Variants in CACNG8 observed in about 807,000 individuals in gnomAD.
The protein encoded by CACNG8 is voltage-dependent calcium channel gamma-8 subunit.
Under a neutral mutation model 26.9 loss-of-function variants are expected in CACNG8, and 5 were observed. That is an observed-to-expected ratio of 0.19 (90% CI 0.10 to 0.39). The LOEUF is 0.39. Among genes scored for constraint, CACNG8 ranks in the 10% least tolerant of loss-of-function variants. The probability of loss-of-function intolerance (pLI) is 1.00; values close to 1 mark genes in which losing one functional copy is unlikely to be tolerated. For synonymous variants in CACNG8, 321 were observed against 296.7 expected (o/e 1.08, Z -0.84); for missense variants, 473 against 609.4 (o/e 0.78, Z 2.36).
chr19:53,969,684 C>T (rs554810060), intron 1 of CACNG8, among the ~76,000 whole-genome samples: 39 of 150,630 alleles, frequency 2.6e-4, no homozygotes, highest in African/African-American at 9.3e-4. Context: ...TCATTGCGTC[C>T]TGCAGCCACT....
At chr19:53,980,863 G>C (rs2069362483) in intron 3 of CACNG8, among the ~76,000 whole-genome samples, 1 of 152,218 alleles carries the variant, frequency 6.6e-6, no homozygotes, top group African/African-American at 2.4e-5. Flanking sequence ...CTTTTTTGGA[G>C]GAGTAGAATA....
chr19:53,977,303 G>C (rs2069335415), intron 1 of CACNG8, among the ~76,000 whole-genome samples: 2 of 152,242 alleles, frequency 1.3e-5, no homozygotes, highest in Non-Finnish European at 2.9e-5. Context: ...AGCATGGGCA[G>C]AGGTCTGCAG....
At chr19:53,973,379 CA>C (rs1270808735) in intron 1 of CACNG8, among the ~76,000 whole-genome samples, 2 of 151,764 alleles carry the variant, frequency 1.3e-5, no homozygotes, top group Non-Finnish European at 2.9e-5. Context: ...AAAAATTAGC[CA>C]GGGGTGGTGG....
Position 53,982,133 on chromosome 19 carries a change from C to G in CACNG8, c.562C>G (p.Pro188Ala). The change falls in exon 4 of 4, where the codon CCG becomes GCG. Residue 188 changes from proline (P) to alanine (A), a missense_variant. Physicochemically the swap from Pro to Ala is conservative, Grantham distance 27 (BLOSUM62 -1). Transcript: ENST00000270458. This position sits in a 1 kb window ranked among gnomAD's most constrained non-coding sequence, Gnocchi z 8.4. ...GTACATCTCCGCCAACGCGGGCGAGCCGGGCCCGAAGCGGGACGAGGAGAA... is the reference window on the plus strand; with the variant it reads ...GTACATCTCCGCCAACGCGGGCGAGGCGGGCCCGAAGCGGGACGAGGAGAA... 6.2e-7 allele frequency: 1 copy of G among 1,610,254 alleles called. No individual in the cohort carries two copies. The highest frequency in any genetic ancestry group is 8.5e-7 in the Non-Finnish European group (1 of 1,178,292).
intron 2 of CACNG8, 115 bp downstream of exon 2, chr19:53,978,344 G>C (rs967508435): frequency 9.9e-5 from 73 of 737,322 alleles, no homozygotes; most frequent in Admixed American, 5.5e-4. Context: ...TCGACACGCC[G>C]AGGTTAGCCT....
chr19:53,980,065 TG>T, intron 3 of CACNG8, 58 bp downstream of exon 3: 1 of 1,254,938 alleles, frequency 8.0e-7, no homozygotes. Context: ...CACGTGTGTG[TG>T]TGTGTGTGTG....
intron 1 of CACNG8, among the ~76,000 whole-genome samples, chr19:53,968,694 G>A (rs2145933739): frequency 6.7e-6 from 1 of 149,600 alleles, no homozygotes; most frequent in East Asian, 2.1e-4. Context: ...CTTTAACCCT[G>A]GAGGTGGAGG....
At chr19:53,970,923 C>A (rs1436618507) in intron 1 of CACNG8, among the ~76,000 whole-genome samples, 4 of 138,230 alleles carry the variant, frequency 2.9e-5, no homozygotes, top group Non-Finnish European at 6.2e-5. Flanking sequence ...TAGAGCAAGA[C>A]CCTATCTCAA....
chr19:53,965,893 A>G (rs1384213976), intron 1 of CACNG8, among the ~76,000 whole-genome samples: 1 of 151,964 alleles, frequency 6.6e-6, no homozygotes, highest in African/African-American at 2.4e-5. Context: ...TAAGAGATGG[A>G]GGAAAGTGCT....
chr19:53,963,521 T>G, intron 1 of CACNG8, 96 bp downstream of exon 1: 1 of 1,246,722 alleles, frequency 8.0e-7, no homozygotes, highest in Non-Finnish European at 1.1e-6. Flanking sequence ...TGGGGCCCCC[T>G]TGGGCACCCC....
In CACNG8 at chr19:53,963,347, G is replaced by C; in HGVS notation, c.205G>C (p.Gly69Arg). The change falls in exon 1 of 4, where the codon GGG (glycine) becomes CGG (arginine). Residue 69 changes from glycine (G) to arginine (R), a missense_variant. This residue lies in a region of CACNG8 where 69 missense variants were observed against 66.7 expected (regional missense o/e 1.03). Transcript: ENST00000270458. ...CGGCGACGACGGGACCCCCCACCGC[G>C]GGGGCGGCGGCGCCTCGGAGAAGAA... The C allele has an allele frequency of 1.3e-6, 2 of 1,593,918 alleles. No homozygotes were observed. Among genetic ancestry groups the C allele is most frequent in the South Asian group, 1.1e-5 (1 of 90,224 alleles).
intron 1 of CACNG8, among the ~76,000 whole-genome samples, chr19:53,976,651 C>A (rs1169804441): frequency 6.6e-6 from 1 of 151,932 alleles, no homozygotes; most frequent in Non-Finnish European, 1.5e-5. Flanking sequence ...ATTCTTCATT[C>A]AACCCTCATT....
At chr19:53,963,823 A>C (rs1307704878) in intron 1 of CACNG8, among the ~76,000 whole-genome samples, 2 of 65,488 alleles carry the variant, frequency 3.1e-5, no homozygotes, top group Admixed American at 1.9e-4. Flanking sequence ...TTTTTTTTTG[A>C]CAAGGTCTCA....
chr19:53,977,182 C>T (rs1358274402), intron 1 of CACNG8, among the ~76,000 whole-genome samples: 1 of 152,030 alleles, frequency 6.6e-6, no homozygotes, highest in South Asian at 2.1e-4. Flanking sequence ...AATGAGTGTG[C>T]ATGTGTGTCT....
At chr19:53,966,515 C>T (rs572140170) in intron 1 of CACNG8, among the ~76,000 whole-genome samples, 1 of 152,210 alleles carries the variant, frequency 6.6e-6, no homozygotes, top group African/African-American at 2.4e-5. Flanking sequence ...TGAACCCAAG[C>T]CGTCCTCTTG....
Position 53,982,537 on chromosome 19 carries a change from G to A in CACNG8, c.966G>A (p.Leu322=), listed in dbSNP as rs1003248863. Residue 322 remains leucine, a synonymous_variant, in exon 4 of 4, where the codon CTG becomes CTA. Transcript: ENST00000270458. The surrounding 1 kb of genome is among the most constrained non-coding windows in gnomAD (Gnocchi z 8.4). ...CCAAGGGCAGCGTGGCCGCGGGGCT[G>A]GCGGGGGCCGGCGGCGGCGGCGGCG... 3.2e-6 allele frequency: 4 copies of A among 1,235,314 alleles called. No homozygotes were observed. Among genetic ancestry groups the A allele is most frequent in the Non-Finnish European group, 4.0e-6 (4 of 991,914 alleles). 76.5% of individuals were successfully genotyped at this position (1,235,314 alleles called of 1,614,324 possible).
Position 53,989,057 on chromosome 19 carries a change from T to G in CACNG8, c.*6208T>G, listed in dbSNP as rs1384073815. 1.3e-5 allele frequency: 2 copies of G among 152,218 alleles called. No homozygotes were observed. The highest frequency in any genetic ancestry group is 2.9e-5 in the Non-Finnish European group (2 of 68,060). 9.4% of individuals were successfully genotyped at this position (152,218 alleles called of 1,614,324 possible). A position where few individuals can be genotyped will look rare whatever the true frequency, so the allele number is the denominator to read the frequency against. On this transcript the variant is annotated 3_prime_UTR_variant, in exon 4 of 4. Transcript: ENST00000270458. ...CCAAGACAGGAGGATTGCTTGAGGC[T>G]TGGCGTTTGAGACCAGCCTGGGCAA...
At chr19:53,970,865 G>A (rs913652077) in intron 1 of CACNG8, among the ~76,000 whole-genome samples, 9 of 150,086 alleles carry the variant, frequency 6.0e-5, no homozygotes, top group Non-Finnish European at 1.2e-4. Context: ...CCAGAAGGTC[G>A]AGGCTGCAGT....
rs1206594142 is a variant in CACNG8, at chr19:53,989,015, C to T, written c.*6166C>T. 1.3e-5 allele frequency: 2 copies of T among 152,238 alleles called. No homozygotes were observed. Among genetic ancestry groups the T allele is most frequent in the Middle Eastern group, 3.2e-3 (1 of 316 alleles). 9.4% of individuals were successfully genotyped at this position (152,238 alleles called of 1,614,324 possible). ...AGGCTTGGGGGCTCATGCCTGTAATCCCAGCACTCTGGGAGGCCAAGACAG... is the reference window on the plus strand; with the variant it reads ...AGGCTTGGGGGCTCATGCCTGTAATTCCAGCACTCTGGGAGGCCAAGACAG... On this transcript the variant is annotated 3_prime_UTR_variant, in exon 4 of 4. Coordinates refer to ENST00000270458, the MANE Select transcript of CACNG8 (RefSeq NM_031895.6).
Sources: allele counts gnomAD v4.1 joint callset (sites outside exome capture counted in the v4.1 genomes callset), GRCh38; gene constraint gnomAD v4.1.1; regional missense constraint gnomAD v4.1.1; non-coding constraint Gnocchi (gnomAD v3.1); transcripts MANE v1.5; gene names NCBI Gene and HGNC (gene_info 2026-07-23, HGNC 2026-07-21).